Variants in ZNF341 observed in about 807,000 individuals in gnomAD.
The protein encoded by ZNF341 is zinc finger protein 341.
ZNF341 carries 52 observed loss-of-function variants against 87.7 expected under a neutral mutation model. The observed-to-expected ratio is 0.59, with a 90% CI of 0.47 to 0.75. ZNF341 has a LOEUF of 0.75. Ranked by LOEUF, ZNF341 falls within the 30% of genes least tolerant of loss-of-function variation. ZNF341 has a pLI of 0.00. For missense variants in ZNF341, 977 were observed against 1,145.9 expected, an observed-to-expected ratio of 0.85 and a Z score of 2.13; for synonymous variants, 459 against 472.7, an observed-to-expected ratio of 0.97 and a Z score of 0.38.
intron 10 of ZNF341, among the ~76,000 whole-genome samples, chr20:33,780,863 C>T (rs1371366930): frequency 6.6e-6 from 1 of 152,074 alleles, no homozygotes; most frequent in South Asian, 2.1e-4. Context: ...GAAGCCACCA[C>T]ATCTAGCTAA....
intron 8 of ZNF341, among the ~76,000 whole-genome samples, chr20:33,766,167 G>A (rs2019401926): frequency 6.6e-6 from 1 of 151,958 alleles, no homozygotes; most frequent in Non-Finnish European, 1.5e-5. Flanking sequence ...TTACAGGTGT[G>A]AGCCACCGCA....
Position 33,735,009 on chromosome 20 carries a change from G to A in ZNF341, c.31+2957G>A, listed in dbSNP as rs562158878. On this transcript the variant is annotated intron_variant, in intron 1 of 14. Transcript: ENST00000375200. Reference sequence around the variant, plus strand: ...GCATGAGCCACTGAGCCTGGCCCAGGCTGCCTTTTTAATTTAATTTAACTT... The same window carrying A: ...GCATGAGCCACTGAGCCTGGCCCAGACTGCCTTTTTAATTTAATTTAACTT... Among the ~76,000 whole-genome samples the A allele has an allele frequency of 5.3e-5, 8 of 151,486 alleles. No individual in the cohort carries two copies. In the East Asian group the frequency reaches 1.4e-3, roughly 26 times the overall value.
chr20:33,791,153 G>A lies in ZNF341; in HGVS notation c.2201G>A (p.Gly734Asp), dbSNP rs1424225690. ...CTCAAAGATCACCGCTGTCGTCTCG[G>A]CCCCCAAAAGGACAAGGACCTGCAA... ...KYLKDHRCRL[G>D]PQKDKDLQTR... is the part of the protein sequence containing the mutation. Residue 734 changes from glycine (G) to aspartate (D), a missense_variant, in exon 15 of 15, where the codon GGC (glycine) becomes GAC (aspartate). Physicochemically the swap from Gly to Asp is moderately conservative, Grantham distance 94 (BLOSUM62 -1). This residue lies in a region of ZNF341 where 221 missense variants were observed against 212.7 expected (regional missense o/e 1.04). Coordinates refer to ENST00000375200, the MANE Select transcript of ZNF341 (RefSeq NM_001282933.2). The A allele has an allele frequency of 2.5e-6, 4 of 1,613,228 alleles. No individual in the cohort carries two copies. The highest frequency in any genetic ancestry group is 3.4e-6 in the Non-Finnish European group (4 of 1,180,006).
At chr20:33,741,055 C>A (rs771227748) in intron 2 of ZNF341, 43 bp downstream of exon 2, 1 of 1,561,852 alleles carries the variant, frequency 6.4e-7, no homozygotes, top group Non-Finnish European at 8.8e-7. Context: ...GTGAATGGCT[C>A]CCCGCGAAGA....
chr20:33,765,038 G>T (rs2019377777), intron 8 of ZNF341, among the ~76,000 whole-genome samples: 1 of 151,942 alleles, frequency 6.6e-6, no homozygotes, highest in South Asian at 2.1e-4. Context: ...TTGTTGCCCA[G>T]GCTGGTCTCA....
intron 14 of ZNF341, 63 bp downstream of exon 14, chr20:33,789,651 G>A (rs907264949): frequency 1.7e-5 from 26 of 1,551,160 alleles, no homozygotes; most frequent in South Asian, 5.6e-5. Context: ...GGATAGACCC[G>A]CCAGGAAGAG....
At chr20:33,777,322 CAAAAAAAAAA>C (rs71192713) in intron 10 of ZNF341, among the ~76,000 whole-genome samples, 3,167 of 32,638 alleles carry the variant, frequency 0.097, 173 homozygotes, top group African/African-American at 0.28. Flanking sequence ...GACCCTATCT[CAAAAAAAAAA>C]AAAAAAAAAA....
chr20:33,778,554 G>A (rs1246994346), intron 10 of ZNF341, among the ~76,000 whole-genome samples: 11 of 152,060 alleles, frequency 7.2e-5, no homozygotes, highest in East Asian at 3.9e-4. Context: ...TAAGTGATCC[G>A]CCCACCTCGG....
rs146882998 is a variant in ZNF341, at chr20:33,734,567, G to A, written c.31+2515G>A. On this transcript the variant is annotated intron_variant, in intron 1 of 14. Transcript: ENST00000375200. The stretch of plus-strand genomic sequence containing the variant: ...CAGAAATGGGGAGTGGGGAGGGGGA[G>A]CAGTGGGTTGAGGGAAGACCCAAGT... Among the ~76,000 whole-genome samples, 178 of 152,302 alleles carry A rather than the reference G, an allele frequency of 1.2e-3. No homozygotes were observed. In the East Asian group the frequency reaches 0.012, roughly 10 times the overall value.
chr20:33,785,888 T>A (rs1202063309), intron 12 of ZNF341, among the ~76,000 whole-genome samples: 1 of 152,164 alleles, frequency 6.6e-6, no homozygotes, highest in Non-Finnish European at 1.5e-5. Flanking sequence ...ACAGTTCCCC[T>A]GGAGGCTAAA....
chr20:33,750,039 C>T (rs187507473), intron 4 of ZNF341, among the ~76,000 whole-genome samples: 22 of 152,224 alleles, frequency 1.4e-4, no homozygotes, highest in Admixed American at 2.0e-4. Flanking sequence ...TGTGCGCCAC[C>T]GCGCCCAGCC....
chr20:33,743,335 A>AT (rs143611794), intron 2 of ZNF341, among the ~76,000 whole-genome samples: 4,160 of 107,996 alleles, frequency 0.039, 128 homozygotes, highest in African/African-American at 0.075. Context: ...ACCCTGCCCA[A>AT]TTTTTTTTTT....
chr20:33,759,304 G>T (rs1204629133), intron 7 of ZNF341, among the ~76,000 whole-genome samples: 1 of 152,088 alleles, frequency 6.6e-6, no homozygotes, highest in African/African-American at 2.4e-5. Context: ...TTTTTTTTGA[G>T]ACTGAGTTTC....
intron 10 of ZNF341, 51 bp downstream of exon 10, chr20:33,770,343 G>GGGGGGGC: frequency 2.0e-6 from 1 of 511,254 alleles, no homozygotes; most frequent in Non-Finnish European, 4.0e-6. Context: ...GGTGGGCAGG[G>GGGGGGGC]AGCCCAGGGC....
At chr20:33,758,597 G>A (rs903716983) in intron 6 of ZNF341, 119 bp from the exon 7 acceptor site, 7 of 728,350 alleles carry the variant, frequency 9.6e-6, no homozygotes, top group Non-Finnish European at 1.6e-5. Context: ...GCCTGTGTAT[G>A]GGCATAGACT....
chr20:33,762,208 G>A (rs6120369), intron 8 of ZNF341, among the ~76,000 whole-genome samples, 153 bp downstream of exon 8: 1 of 152,170 alleles, frequency 6.6e-6, no homozygotes, highest in Non-Finnish European at 1.5e-5. Context: ...ATGAAAGGAA[G>A]GATGACAAAC....
At chr20:33,772,020 A>AAAAAAAAAAAAAAAAG (rs1489341548) in intron 10 of ZNF341, among the ~76,000 whole-genome samples, 1 of 149,194 alleles carries the variant, frequency 6.7e-6, no homozygotes, top group Non-Finnish European at 1.5e-5. Flanking sequence ...TAAAAAAAAA[A>AAAAAAAAAAAAAAAAG]AAAAAAAAAA....
intron 11 of ZNF341, among the ~76,000 whole-genome samples, chr20:33,782,257 T>C (rs974369046): frequency 6.6e-6 from 1 of 152,226 alleles, no homozygotes; most frequent in African/African-American, 2.4e-5. Flanking sequence ...TTGCAATTGA[T>C]TGACATAACA....
At position 33,749,080 on chromosome 20, in the gene ZNF341, G is replaced by A. The variant is rs2019002010; in HGVS notation, c.489+8G>A. Reference sequence around the variant, plus strand: ...GGCCCCCCACCTGTGCAGGTAAGAAGGTGTGGGCTTCTCACAGGGTCTTGA... The same window carrying A: ...GGCCCCCCACCTGTGCAGGTAAGAAAGTGTGGGCTTCTCACAGGGTCTTGA... On this transcript the variant is annotated splice_region_variant and intron_variant, in intron 4 of 14. Transcript: ENST00000375200. 6.2e-7 allele frequency: 1 copy of A among 1,610,482 alleles called. No homozygotes were observed. The highest frequency in any genetic ancestry group is 8.5e-7 in the Non-Finnish European group (1 of 1,177,626).
Sources: allele counts gnomAD v4.1 joint callset (sites outside exome capture counted in the v4.1 genomes callset), GRCh38; gene constraint gnomAD v4.1.1; regional missense constraint gnomAD v4.1.1; transcripts MANE v1.5; gene names NCBI Gene and HGNC (gene_info 2026-07-23, HGNC 2026-07-21).